The following FGF12 variants were observed in gnomAD, a reference collection of about 807,000 sequenced individuals.
FGF12 encodes the protein fibroblast growth factor 12B.
A neutral mutation model predicts 23.6 loss-of-function variants in FGF12; 14 were observed. The ratio of observed to expected loss-of-function variants is 0.59; its 90% CI spans 0.39 to 0.93. The LOEUF is 0.93. Ranked by LOEUF, FGF12 falls within the 40% of genes least tolerant of loss-of-function variation. FGF12 has a pLI of 0.00. For synonymous variants in FGF12, 62 were observed against 77.3 expected, an observed-to-expected ratio of 0.80 and a Z score of 1.04; for missense variants, 175 against 217.8, an observed-to-expected ratio of 0.80 and a Z score of 1.24.
Position 192,360,148 on chromosome 3 carries a change from AT to A in FGF12, c.124+279del, listed in dbSNP as rs1718654107. Among the ~76,000 whole-genome samples, 1 of 152,112 alleles carries A rather than the reference AT, an allele frequency of 6.6e-6. No homozygotes were observed. Among genetic ancestry groups the A allele is most frequent in the Non-Finnish European group, 1.5e-5 (1 of 68,032 alleles). ...TGTATTGTTCCTAGGAGTGTGTATC[AT>A]CATGCTGCCTAAAAACACTGTGATG... is the stretch of plus-strand genomic sequence containing the variant. On this transcript the variant is annotated intron_variant, in intron 3 of 5. Transcript: ENST00000445105. The surrounding 1 kb of genome is among the most constrained non-coding windows in gnomAD (Gnocchi z 4.3).
chr3:192,521,254 ATTTG>A (rs554298748), intron 2 of FGF12: 39 of 152,270 alleles, frequency 2.6e-4, no homozygotes, highest in African/African-American at 7.7e-4. Context: ...ACATTTTGTC[ATTTG>A]TTTGAGAACT....
Position 192,651,326 on chromosome 3 carries a change from C to T in FGF12, c.13+75855G>A, listed in dbSNP as rs1047294418. ...CAGGGGACTTCTTTCTGAACTGCAG[C>T]TCCTCTTCTGTAAAATTAGGGGCCT... On this transcript the variant is annotated intron_variant, in intron 2 of 5. Coordinates refer to ENST00000445105, the MANE Select transcript of FGF12 (RefSeq NM_004113.6). Among the ~76,000 whole-genome samples, 7 of 152,112 alleles carry T rather than the reference C, an allele frequency of 4.6e-5. No homozygotes were observed. The South Asian group carries it at 1.0e-3, about 23-fold the overall frequency.
intron 2 of FGF12, among the ~76,000 whole-genome samples, chr3:192,632,872 C>T (rs571118467): frequency 6.6e-6 from 1 of 152,128 alleles, no homozygotes; most frequent in Admixed American, 6.5e-5. Context: ...GGGGTGGTTC[C>T]TTCTAGAAGC....
At chr3:192,560,746 T>C (rs1711985265) in intron 2 of FGF12, among the ~76,000 whole-genome samples, 1 of 152,058 alleles carries the variant, frequency 6.6e-6, no homozygotes. Flanking sequence ...TATTAAATAT[T>C]AAAGAAAGAA....
intron 5 of FGF12, among the ~76,000 whole-genome samples, chr3:192,149,169 T>C (rs2108583926): frequency 6.6e-6 from 1 of 152,288 alleles, no homozygotes; most frequent in South Asian, 2.1e-4. Flanking sequence ...CATGAGTGTA[T>C]AAAGAAAAAT....
chr3:192,509,063 T>G (rs1724395336), intron 2 of FGF12, among the ~76,000 whole-genome samples: 1 of 140,508 alleles, frequency 7.1e-6, no homozygotes, highest in Non-Finnish European at 1.6e-5. Context: ...TCCTGAAGGG[T>G]TTTTTTTTTT....
intron 2 of FGF12, among the ~76,000 whole-genome samples, chr3:192,664,946 C>A (rs1012050524): frequency 4.6e-5 from 7 of 152,188 alleles, no homozygotes; most frequent in Non-Finnish European, 7.4e-5. Flanking sequence ...TAGAGAAGAA[C>A]TAGAAAACAC....
At chr3:192,425,611 T>C (rs372790773) in intron 2 of FGF12, among the ~76,000 whole-genome samples, 62 of 152,296 alleles carry the variant, frequency 4.1e-4, no homozygotes, top group Middle Eastern at 3.4e-3. Flanking sequence ...TTGGAGAGTG[T>C]TACCAGCTTA....
chr3:192,375,431 T>C (rs966169204), intron 2 of FGF12, among the ~76,000 whole-genome samples: 8 of 152,198 alleles, frequency 5.3e-5, no homozygotes, highest in African/African-American at 1.9e-4. Flanking sequence ...AATCCTTACA[T>C]ATCTAACATA....
intron 2 of FGF12, among the ~76,000 whole-genome samples, chr3:192,524,889 C>G (rs1724905270): frequency 6.6e-6 from 1 of 152,068 alleles, no homozygotes; most frequent in Non-Finnish European, 1.5e-5. Context: ...CACCAAAGTT[C>G]TTTTTATAAA....
chr3:192,219,067 A>G (rs930362743), intron 4 of FGF12, among the ~76,000 whole-genome samples: 2 of 152,054 alleles, frequency 1.3e-5, no homozygotes, highest in Non-Finnish European at 2.9e-5. Flanking sequence ...TTACTTATAA[A>G]TATCTATTTT....
intron 2 of FGF12, chr3:192,673,156 T>A (rs1335268071): frequency 6.6e-6 from 1 of 150,768 alleles, no homozygotes; most frequent in Non-Finnish European, 1.5e-5. Flanking sequence ...GTGATCTAAC[T>A]CCATAGGCTT....
chr3:192,689,467 T>C (rs1263880524), intron 2 of FGF12, among the ~76,000 whole-genome samples: 1 of 151,770 alleles, frequency 6.6e-6, no homozygotes, highest in Non-Finnish European at 1.5e-5. Flanking sequence ...AACAAAATGA[T>C]AGAAAACATT....
intron 4 of FGF12, among the ~76,000 whole-genome samples, chr3:192,206,003 A>G (rs1044152308): frequency 1.3e-5 from 2 of 152,208 alleles, no homozygotes; most frequent in Non-Finnish European, 2.9e-5. Flanking sequence ...GAGGGTCCTC[A>G]CCAAGAGAAG....
intron 4 of FGF12, among the ~76,000 whole-genome samples, chr3:192,216,049 T>C (rs1241355503): frequency 6.6e-6 from 1 of 152,172 alleles, no homozygotes; most frequent in Non-Finnish European, 1.5e-5. Flanking sequence ...ACCCTAGGAA[T>C]ATAGTTCACA....
intron 2 of FGF12, among the ~76,000 whole-genome samples, chr3:192,515,749 C>A (rs1724648061): frequency 6.6e-6 from 1 of 152,116 alleles, no homozygotes; most frequent in Non-Finnish European, 1.5e-5. Flanking sequence ...GCAGGCTTTG[C>A]CTCTGCCAGC....
intron 3 of FGF12, among the ~76,000 whole-genome samples, chr3:192,341,676 G>C (rs1459435170): frequency 6.6e-6 from 1 of 152,124 alleles, no homozygotes; most frequent in Non-Finnish European, 1.5e-5. Flanking sequence ...GAGAAGATGA[G>C]AGAAAGTAAC....
chr3:192,496,400 T>C (rs1211767632), intron 2 of FGF12, among the ~76,000 whole-genome samples: 1 of 152,156 alleles, frequency 6.6e-6, no homozygotes, highest in Admixed American at 6.5e-5. Flanking sequence ...GGTCCAAGCC[T>C]GACATTTGCC....
At chr3:192,349,154 C>A (rs759505377) in intron 3 of FGF12, among the ~76,000 whole-genome samples, 18 of 151,964 alleles carry the variant, frequency 1.2e-4, no homozygotes, top group Non-Finnish European at 5.9e-5. Context: ...TTAATCAAAC[C>A]AGAGACATAT....
Sources: allele counts gnomAD v4.1 joint callset (sites outside exome capture counted in the v4.1 genomes callset), GRCh38; gene constraint gnomAD v4.1.1; non-coding constraint Gnocchi (gnomAD v3.1); transcripts MANE v1.5; gene names NCBI Gene and HGNC (gene_info 2026-07-23, HGNC 2026-07-21).